The following SIL1 variants were observed in gnomAD, a reference collection of about 807,000 sequenced individuals.
SIL1 encodes the protein nucleotide exchange factor SIL1.
SIL1 carries 40 observed loss-of-function variants against 49.1 expected under a neutral mutation model. The ratio of observed to expected loss-of-function variants is 0.81; its 90% CI spans 0.63 to 1.06. The LOEUF (loss-of-function observed/expected upper bound fraction) is 1.06, where lower values mean the gene tolerates loss of function less well. Ranked by LOEUF, SIL1 falls within the 50% of genes least tolerant of loss-of-function variation. SIL1 has a pLI of 0.00. For synonymous variants in SIL1, 253 were observed against 250.8 expected, an observed-to-expected ratio of 1.01 and a Z score of -0.08; for missense variants, 500 against 572.6, an observed-to-expected ratio of 0.87 and a Z score of 1.29.
chr5:139,041,731 G>A (rs564653275), intron 5 of SIL1, among the ~76,000 whole-genome samples: 17 of 151,536 alleles, frequency 1.1e-4, no homozygotes, highest in African/African-American at 3.1e-4. Context: ...TTGAACCCAG[G>A]AGGTGGACCT....
At chr5:139,161,446 A>G (rs1388342717) in intron 1 of SIL1, among the ~76,000 whole-genome samples, 1 of 152,192 alleles carries the variant, frequency 6.6e-6, no homozygotes. Flanking sequence ...TTCAGGTGGG[A>G]AAAAGGAGCC....
chr5:138,949,172 TC>T (rs1055021955), intron 9 of SIL1, among the ~76,000 whole-genome samples: 3 of 152,018 alleles, frequency 2.0e-5, no homozygotes, highest in Non-Finnish European at 2.9e-5. Flanking sequence ...GCAGGCAGGG[TC>T]CCCCTGCGGC....
At chr5:139,135,006 G>A (rs1280324077) in intron 1 of SIL1, among the ~76,000 whole-genome samples, 2 of 152,130 alleles carry the variant, frequency 1.3e-5, no homozygotes, top group East Asian at 1.9e-4. Flanking sequence ...GGAGAACAAC[G>A]TGCAAAGGCT....
chr5:139,123,070 A>G (rs1750679214), intron 2 of SIL1, among the ~76,000 whole-genome samples: 2 of 152,102 alleles, frequency 1.3e-5, no homozygotes. Context: ...GGTGGCTGCT[A>G]CTATTACTTA....
chr5:139,124,439 TG>T (rs1378276302), intron 2 of SIL1, among the ~76,000 whole-genome samples: 2 of 152,228 alleles, frequency 1.3e-5, no homozygotes, highest in African/African-American at 4.8e-5. Context: ...ACACAAAACC[TG>T]TACATTTAAA....
At chr5:139,012,320 G>A (rs1208383863) in intron 7 of SIL1, 1 of 152,288 alleles carries the variant, frequency 6.6e-6, no homozygotes, top group Non-Finnish European at 1.5e-5. Context: ...CTCCCAAAGT[G>A]CTTTGATTAT....
intron 3 of SIL1, among the ~76,000 whole-genome samples, chr5:139,066,730 G>A (rs1769713780): frequency 6.6e-6 from 1 of 151,888 alleles, no homozygotes; most frequent in Admixed American, 6.6e-5. Flanking sequence ...TTTTGAGACA[G>A]GGTCTCACTC....
At chr5:138,957,055 A>T (rs1250804489) in intron 7 of SIL1, among the ~76,000 whole-genome samples, 1 of 151,918 alleles carries the variant, frequency 6.6e-6, no homozygotes, top group Non-Finnish European at 1.5e-5. Flanking sequence ...AGTAACAGCA[A>T]CTCACAAGAG....
intron 7 of SIL1, among the ~76,000 whole-genome samples, chr5:138,999,899 GA>G (rs992838254): frequency 1.3e-5 from 2 of 152,002 alleles, no homozygotes; most frequent in African/African-American, 4.8e-5. Flanking sequence ...CTCAGAAAAA[GA>G]AAAAAGTTCA....
chr5:138,991,964 T>C (rs533597934), intron 7 of SIL1, among the ~76,000 whole-genome samples: 1 of 152,370 alleles, frequency 6.6e-6, no homozygotes. Flanking sequence ...CAGAGCTCTC[T>C]TTCAGGTTTG....
chr5:139,098,147 G>T (rs184458271), intron 3 of SIL1, among the ~76,000 whole-genome samples: 1 of 152,206 alleles, frequency 6.6e-6, no homozygotes, highest in Admixed American at 6.5e-5. Context: ...GCTATTCTTA[G>T]CAAAAAGAAC....
intron 3 of SIL1, among the ~76,000 whole-genome samples, chr5:139,068,655 GAAAAA>G (rs745799045): frequency 1.5e-5 from 1 of 64,812 alleles, no homozygotes; most frequent in Non-Finnish European, 4.1e-5. Flanking sequence ...GAATGAAAAG[GAAAAA>G]AAAAAAAAAA....
intron 3 of SIL1, among the ~76,000 whole-genome samples, chr5:139,085,418 G>A (rs980925048): frequency 6.6e-6 from 1 of 152,168 alleles, no homozygotes; most frequent in African/African-American, 2.4e-5. Flanking sequence ...CTAATATGGT[G>A]GCCAGCAATT....
chr5:139,083,239 T>C (rs1770132411), intron 3 of SIL1, among the ~76,000 whole-genome samples: 1 of 152,198 alleles, frequency 6.6e-6, no homozygotes, highest in Non-Finnish European at 1.5e-5. Flanking sequence ...TGAGGACAAT[T>C]TTTTTTCTTG....
intron 3 of SIL1, among the ~76,000 whole-genome samples, chr5:139,058,162 C>T (rs550414421): frequency 6.6e-6 from 1 of 151,998 alleles, no homozygotes; most frequent in Admixed American, 6.5e-5. Flanking sequence ...AAGCCAGATA[C>T]AAAAAAGCAT....
chr5:138,998,398 G>A (rs1461554237), intron 7 of SIL1, among the ~76,000 whole-genome samples: 1 of 152,074 alleles, frequency 6.6e-6, no homozygotes, highest in Non-Finnish European at 1.5e-5. Flanking sequence ...GAACTCTCAG[G>A]TTCAAGTCAT....
At chr5:139,120,367 C>T (rs1008214036) in intron 3 of SIL1, among the ~76,000 whole-genome samples, 1 of 152,198 alleles carries the variant, frequency 6.6e-6, no homozygotes, top group African/African-American at 2.4e-5. Flanking sequence ...CTTAACCTCA[C>T]TGAGCCTCAG....
At chr5:139,042,946 T>C (rs939279540) in intron 4 of SIL1, among the ~76,000 whole-genome samples, 1 of 152,192 alleles carries the variant, frequency 6.6e-6, no homozygotes, top group Admixed American at 6.5e-5. Context: ...TGGTAAACTA[T>C]GATTGTGCCA....
chr5:138,951,349 C>A lies in SIL1; in HGVS notation c.865-14G>T, dbSNP rs1260898605. The A allele has an allele frequency of 2.9e-5, 45 of 1,551,670 alleles. No homozygotes were observed. The Admixed American group carries it at 7.4e-4, about 26-fold the overall frequency. Reference sequence around the variant, plus strand: ...TGCAAACAGGACCTGGGGGCACAGACCCAGGGGTAGGTGAGGGGCCAAGCG... The same window carrying A: ...TGCAAACAGGACCTGGGGGCACAGAACCAGGGGTAGGTGAGGGGCCAAGCG... On this transcript the variant is annotated splice_polypyrimidine_tract_variant and intron_variant, in intron 8 of 9. Transcript: ENST00000394817.
Sources: allele counts gnomAD v4.1 joint callset (sites outside exome capture counted in the v4.1 genomes callset), GRCh38; gene constraint gnomAD v4.1.1; transcripts MANE v1.5; gene names NCBI Gene and HGNC (gene_info 2026-07-23, HGNC 2026-07-21).